The following SARM1 variants were observed in gnomAD, a reference collection of about 807,000 sequenced individuals.
SARM1 encodes sterile alpha and TIR motif containing 1.
Under a neutral mutation model 65.1 loss-of-function variants are expected in SARM1, and 60 were observed. The observed-to-expected ratio is 0.92, with a 90% CI of 0.75 to 1.14. The LOEUF (loss-of-function observed/expected upper bound fraction) is 1.14. SARM1 is among the 50% of genes most tolerant of loss of function. The pLI, the probability that SARM1 is intolerant of heterozygous loss-of-function variation, is 0.00. For synonymous variants in SARM1, 417 were observed against 465.4 expected (o/e 0.90, Z 1.34); for missense variants, 913 against 1,015.7 (o/e 0.90, Z 1.37).
chr17:28,374,970 C>CAAAAAAAAAAAAAAA (rs35032822), intron 1 of SARM1, among the ~76,000 whole-genome samples: 1 of 70,432 alleles, frequency 1.4e-5, no homozygotes, highest in Non-Finnish European at 2.7e-5. Flanking sequence ...CAGACCTTGT[C>CAAAAAAAAAAAAAAA]AAAAAAAAAA....
In SARM1 at chr17:28,400,186, C is replaced by T. The variant is rs1005551911; in HGVS notation, c.*3900C>T. The stretch of plus-strand genomic sequence containing the variant: ...TCGGGATTACAGGCAAGAGCCTCCA[C>T]GCCCGGCCATGAAATATAATTCTTA... On this transcript the variant is annotated 3_prime_UTR_variant, in exon 9 of 9. Transcript: ENST00000585482. 7 of 241,958 alleles carry T rather than the reference C, an allele frequency of 2.9e-5. No individual in the cohort carries two copies. The highest frequency in any genetic ancestry group is 2.0e-4 in the East Asian group (2 of 9,816). The allele number at this position is 241,958 out of a possible 1,614,324, so 15.0% of individuals were successfully genotyped here.
At chr17:28,378,771 C>A (rs182980921) in intron 1 of SARM1, among the ~76,000 whole-genome samples, 2 of 152,230 alleles carry the variant, frequency 1.3e-5, no homozygotes, top group Admixed American at 1.3e-4. Flanking sequence ...TATCATCCTG[C>A]CTCAGCCTCT....
chr17:28,378,484 T>A (rs1555584842), intron 1 of SARM1, among the ~76,000 whole-genome samples: 1 of 152,250 alleles, frequency 6.6e-6, no homozygotes, highest in East Asian at 1.9e-4. Flanking sequence ...TCTTTCTATC[T>A]GTGTTCTGCT....
chr17:28,376,403 C>CAAAAAAAAAAAA lies in SARM1; in HGVS notation c.470+3911_470+3922dup, dbSNP rs58695374. On this transcript the variant is annotated intron_variant, in intron 1 of 8. Transcript: ENST00000585482. ...TAAAACTCTGTCTCTACTAAAAATA[C>CAAAAAAAAAAAA]AAAAAAAAAAAAAAAAAAAAAGAGC... Among the ~76,000 whole-genome samples, 45 of 83,810 alleles carry CAAAAAAAAAAAA rather than the reference C, an allele frequency of 5.4e-4. No individual in the cohort carries two copies. In the East Asian group the frequency reaches 5.4e-3, roughly 10 times the overall value. 55.0% of individuals were successfully genotyped at this position (83,810 alleles called of 152,430 possible). A position where few individuals can be genotyped will look rare whatever the true frequency, so the allele number is the denominator to read the frequency against.
intron 5 of SARM1, 68 bp from the exon 6 acceptor site, chr17:28,388,106 G>T: frequency 8.3e-7 from 1 of 1,207,434 alleles, no homozygotes; most frequent in Non-Finnish European, 1.2e-6. Context: ...GTCCACAAGG[G>T]ATGATATACC....
chr17:28,376,731 A>G (rs949945054), intron 1 of SARM1, among the ~76,000 whole-genome samples: 1 of 152,130 alleles, frequency 6.6e-6, no homozygotes, highest in Admixed American at 6.5e-5. Flanking sequence ...TGGCCTCCCA[A>G]AGTACTGGAA....
intron 1 of SARM1, chr17:28,374,326 C>G (rs890977360): frequency 6.8e-6 from 1 of 147,624 alleles, no homozygotes; most frequent in African/African-American, 2.5e-5. Context: ...AATCCTAGCA[C>G]TTTGGGAGGC....
At chr17:28,381,855 G>A in intron 2 of SARM1, 34 bp downstream of exon 2, 2 of 1,403,956 alleles carry the variant, frequency 1.4e-6, no homozygotes, top group Non-Finnish European at 1.8e-6. Context: ...TGGATCAGGG[G>A]TTAGAGAGCC....
chr17:28,391,819 T>G (rs1597823178), intron 7 of SARM1, among the ~76,000 whole-genome samples: 2 of 148,408 alleles, frequency 1.3e-5, no homozygotes, highest in Admixed American at 1.4e-4. Context: ...GAAGCTGAGA[T>G]GCCATGCCTG....
At chr17:28,391,063 G>A (rs936792062) in intron 7 of SARM1, among the ~76,000 whole-genome samples, 3 of 152,190 alleles carry the variant, frequency 2.0e-5, no homozygotes, top group Admixed American at 6.5e-5. Flanking sequence ...GGGGGTGTGA[G>A]GGGAGGTGAT....
intron 1 of SARM1, among the ~76,000 whole-genome samples, chr17:28,380,563 C>T (rs2068017050): frequency 6.6e-6 from 1 of 152,214 alleles, no homozygotes; most frequent in Non-Finnish European, 1.5e-5. Flanking sequence ...AAACCTCAGC[C>T]CCTAGTGCAG....
chr17:28,388,080 G>A, intron 5 of SARM1, 94 bp from the exon 6 acceptor site: 1 of 1,002,124 alleles, frequency 1.0e-6, no homozygotes, highest in Non-Finnish European at 1.5e-6. Context: ...AGAGGGCTTG[G>A]TGGACTGGGG....
At chr17:28,373,737 A>G (rs1458441595) in intron 1 of SARM1, 1 of 152,332 alleles carries the variant, frequency 6.6e-6, no homozygotes, top group East Asian at 1.9e-4. Flanking sequence ...GTCAGGAGCT[A>G]TAACTACAAT....
rs1321941952 is a variant in SARM1 at position 28,372,641 on chromosome 17, CCTGT to C, written c.470+144_470+147del. On this transcript the variant is annotated intron_variant, in intron 1 of 8. Coordinates refer to ENST00000585482, the MANE Select transcript of SARM1 (RefSeq NM_015077.4). This position sits in a 1 kb window ranked among gnomAD's most constrained non-coding sequence, Gnocchi z 5.2. ...GCACTACATCTCTGTTAGGGGTCAG[CCTGT>C]CTGTTTCACAGATAAGGAAACTGAG... The C allele has an allele frequency of 1.1e-5, 7 of 643,076 alleles. No homozygotes were observed. Among genetic ancestry groups the C allele is most frequent in the African/African-American group, 9.7e-5 (5 of 51,348 alleles). The allele number at this position is 643,076 out of a possible 1,614,324, so 39.8% of individuals were successfully genotyped here. A position where few individuals can be genotyped will look rare whatever the true frequency, so the allele number is the denominator to read the frequency against.
rs533154330 is a variant in SARM1 at position 28,400,303 on chromosome 17, T to C, written c.*4017T>C. ...CTTCCTGGCCTTCCCTTTAACACAG[T>C]TCTGCTGCCATAGTTCCATCTATAA... On this transcript the variant is annotated 3_prime_UTR_variant, in exon 9 of 9. Coordinates refer to ENST00000585482, the MANE Select transcript of SARM1 (RefSeq NM_015077.4). 5.2e-5 allele frequency: 20 copies of C among 382,354 alleles called. No homozygotes were observed. The highest frequency in any genetic ancestry group is 8.4e-5 in the Non-Finnish European group (17 of 203,378). The allele number at this position is 382,354 out of a possible 1,614,324, so 23.7% of individuals were successfully genotyped here. A position where few individuals can be genotyped will look rare whatever the true frequency, so the allele number is the denominator to read the frequency against.
intron 5 of SARM1, among the ~76,000 whole-genome samples, chr17:28,387,455 C>T (rs2142433552): frequency 6.6e-6 from 1 of 152,242 alleles, no homozygotes; most frequent in East Asian, 1.9e-4. Flanking sequence ...AACTCCTGGC[C>T]TCAAGTGATC....
rs782172400 is a variant in SARM1 at position 28,388,235 on chromosome 17, C to T, written c.1692C>T (p.Val564=). ...GGKPSGDTPD[V]FISYRRNSGS... is the part of the protein sequence containing the mutation. ...AACCCAGTGGGGACACTCCAGATGT[C>T]TTCATCAGCTACCGCCGGAACTCAG... is the stretch of plus-strand genomic sequence containing the variant. The change falls in exon 6 of 9, where the codon GTC becomes GTT. Residue 564 remains valine (V), a synonymous_variant. Transcript: ENST00000585482. The T allele has an allele frequency of 3.9e-6, 6 of 1,551,528 alleles. No homozygotes were observed. Among genetic ancestry groups the T allele is most frequent in the Non-Finnish European group, 5.2e-6 (6 of 1,147,744 alleles).
In SARM1 at chr17:28,385,601, A is replaced by G. The variant is rs2068047009; in HGVS notation, c.1630+326A>G. On this transcript the variant is annotated intron_variant, in intron 5 of 8. Coordinates refer to ENST00000585482, the MANE Select transcript of SARM1 (RefSeq NM_015077.4). This position sits in a 1 kb window ranked among gnomAD's most constrained non-coding sequence, Gnocchi z 4.5. ...CCCAGGTCTAGATTTCAGAGAGGAC[A>G]GGATGCCTGACCATGTCTTGAGAGG... The G allele has an allele frequency of 2.5e-6, 1 of 407,840 alleles. No individual in the cohort carries two copies. Among genetic ancestry groups the G allele is most frequent in the East Asian group, 4.8e-5 (1 of 20,868 alleles). The allele number at this position is 407,840 out of a possible 1,614,324, so 25.3% of individuals were successfully genotyped here. A position where few individuals can be genotyped will look rare whatever the true frequency, so the allele number is the denominator to read the frequency against.
Position 28,385,194 on chromosome 17 carries a change from C to T in SARM1, c.1549C>T (p.Arg517Cys). The change falls in exon 5 of 9, where the codon CGC becomes TGC. Residue 517 changes from arginine (R) to cysteine (C), a missense_variant. Physicochemically the swap from Arg to Cys is radical, Grantham distance 180. Coordinates refer to ENST00000585482, the MANE Select transcript of SARM1 (RefSeq NM_015077.4). The surrounding 1 kb of genome is among the most constrained non-coding windows in gnomAD (Gnocchi z 4.5). ...SCGLDRSLLH[R>C]VSEQQLLEDC... ...CGGCCTGGACCGCTCCCTGCTGCACCGCGTGTCTGAGCAGCAGCTGCTGGA... is the reference window on the plus strand; with the variant it reads ...CGGCCTGGACCGCTCCCTGCTGCACTGCGTGTCTGAGCAGCAGCTGCTGGA... The T allele has an allele frequency of 1.2e-6, 2 of 1,607,386 alleles. No individual in the cohort carries two copies. The highest frequency in any genetic ancestry group is 1.1e-5 in the South Asian group (1 of 90,358).
Sources: gnomAD v4.1 joint callset for allele counts (sites outside exome capture counted in the v4.1 genomes callset) on GRCh38, gnomAD v4.1.1 for gene constraint, Gnocchi (gnomAD v3.1) non-coding constraint, MANE v1.5 for transcripts, NCBI Gene and HGNC (gene_info 2026-07-23, HGNC 2026-07-21) for gene names.